Variants in HDAC9 observed in about 807,000 individuals in gnomAD.
HDAC9 encodes the protein histone deacetylase 9, also known as MEF-2 interacting transcription repressor (MITR) protein.
HDAC9 carries 41 observed loss-of-function variants against 139.4 expected under a neutral mutation model. That is an observed-to-expected ratio of 0.29 (90% CI 0.23 to 0.38). The LOEUF is 0.38. Among genes scored for constraint, HDAC9 ranks in the 10% least tolerant of loss-of-function variants. HDAC9 has a pLI of 1.00. For synonymous variants in HDAC9, 517 were observed against 476.2 expected (o/e 1.09, Z -1.12); for missense variants, 1,147 against 1,297.0 (o/e 0.88, Z 1.78).
At chr7:18,661,572 G>A (rs1397242985) in intron 11 of HDAC9, among the ~76,000 whole-genome samples, 1 of 151,926 alleles carries the variant, frequency 6.6e-6, no homozygotes, top group East Asian at 1.9e-4. Flanking sequence ...TCTTAGAGAT[G>A]ACTTGTCTTT....
chr7:18,190,878 T>G (rs1316090702), intron 2 of HDAC9, among the ~76,000 whole-genome samples: 4 of 152,186 alleles, frequency 2.6e-5, no homozygotes, highest in Non-Finnish European at 5.9e-5. Flanking sequence ...CTTTGTAAAC[T>G]CCTACCTTTG....
chr7:18,088,301 C>T (rs1039871107), intron 1 of HDAC9, among the ~76,000 whole-genome samples: 1 of 151,936 alleles, frequency 6.6e-6, no homozygotes, highest in Non-Finnish European at 1.5e-5. Context: ...TTTTTTTCTC[C>T]CCAAATGGTA....
At chr7:18,954,088 T>A (rs1782984275) in intron 23 of HDAC9, 58 bp from the exon 24 acceptor site, 2 of 1,191,474 alleles carry the variant, frequency 1.7e-6, no homozygotes, top group African/African-American at 3.1e-5. Flanking sequence ...TTTGCTTCTG[T>A]GAGACTTACT....
At chr7:18,760,214 T>C (rs553166277) in intron 14 of HDAC9, among the ~76,000 whole-genome samples, 1 of 152,328 alleles carries the variant, frequency 6.6e-6, no homozygotes, top group Admixed American at 6.5e-5. Context: ...AATGCCCTGC[T>C]CAGTCCAATT....
intron 2 of HDAC9, among the ~76,000 whole-genome samples, chr7:18,279,775 AT>A (rs1311081333): frequency 6.6e-6 from 1 of 152,136 alleles, no homozygotes; most frequent in Non-Finnish European, 1.5e-5. Flanking sequence ...ACATTTACTC[AT>A]TTAATAAGGA....
At chr7:18,196,040 T>C (rs2128155442) in intron 2 of HDAC9, among the ~76,000 whole-genome samples, 1 of 152,294 alleles carries the variant, frequency 6.6e-6, no homozygotes, top group South Asian at 2.1e-4. Flanking sequence ...ACCACTGTTT[T>C]AGCATGCATT....
chr7:18,451,387 G>GTATATATA (rs1792820646), intron 1 of HDAC9, among the ~76,000 whole-genome samples: 1 of 138,640 alleles, frequency 7.2e-6, no homozygotes, highest in Non-Finnish European at 1.6e-5. Flanking sequence ...GTGTGTGTGT[G>GTATATATA]TGTGTGTGTG....
chr7:18,967,508 A>ACCC (rs1335326619), intron 24 of HDAC9, among the ~76,000 whole-genome samples: 3,099 of 121,102 alleles, frequency 0.026, 70 homozygotes, highest in Middle Eastern at 0.035. Flanking sequence ...CCCCCCCCCA[A>ACCC]AAAAAAAAAA....
chr7:18,739,406 C>A (rs1787232112), intron 13 of HDAC9, among the ~76,000 whole-genome samples: 2 of 152,194 alleles, frequency 1.3e-5, no homozygotes, highest in African/African-American at 4.8e-5. Flanking sequence ...GTTTTATCTA[C>A]CTTTGGTCTT....
At chr7:18,237,761 A>T (rs1394192914) in intron 2 of HDAC9, among the ~76,000 whole-genome samples, 2 of 152,204 alleles carry the variant, frequency 1.3e-5, no homozygotes, top group East Asian at 3.8e-4. Flanking sequence ...AAGTGTCAGG[A>T]ACTCAGATGA....
chr7:18,945,552 T>C (rs1166828667), intron 23 of HDAC9, among the ~76,000 whole-genome samples: 1 of 152,230 alleles, frequency 6.6e-6, no homozygotes, highest in Non-Finnish European at 1.5e-5. Context: ...TTAAGTATTC[T>C]TTCTGGATTC....
At chr7:18,648,281 T>C (rs1003977555) in intron 10 of HDAC9, among the ~76,000 whole-genome samples, 185 bp from the exon 11 acceptor site, 3 of 152,156 alleles carry the variant, frequency 2.0e-5, no homozygotes, top group African/African-American at 7.2e-5. Flanking sequence ...CATTTCTCTC[T>C]TCCCACACCT....
chr7:18,557,764 A>C (rs1231769066), intron 2 of HDAC9, among the ~76,000 whole-genome samples: 2 of 150,060 alleles, frequency 1.3e-5, no homozygotes, highest in Non-Finnish European at 3.0e-5. Flanking sequence ...TATAATTTAA[A>C]ACAAAAATGA....
chr7:18,946,038 A>AAAT (rs1782374115), intron 23 of HDAC9, among the ~76,000 whole-genome samples: 4 of 25,406 alleles, frequency 1.6e-4, no homozygotes, highest in Non-Finnish European at 3.4e-4. Context: ...CTCCGTCTCA[A>AAAT]AAAAAAAAAA....
intron 12 of HDAC9, among the ~76,000 whole-genome samples, chr7:18,698,922 G>A (rs548512618): frequency 6.6e-6 from 1 of 152,236 alleles, no homozygotes; most frequent in South Asian, 2.1e-4. Context: ...AGCATGAAAG[G>A]TTAGCAACAA....
At chr7:18,733,050 T>C (rs1034836407) in intron 13 of HDAC9, among the ~76,000 whole-genome samples, 1 of 146,404 alleles carries the variant, frequency 6.8e-6, no homozygotes, top group Non-Finnish European at 1.5e-5. Flanking sequence ...TATACATATA[T>C]ACATGTGTAT....
At chr7:18,861,657 G>T (rs1296023690) in intron 21 of HDAC9, among the ~76,000 whole-genome samples, 1 of 152,114 alleles carries the variant, frequency 6.6e-6, no homozygotes, top group African/African-American at 2.4e-5. Flanking sequence ...GAATTAGTCA[G>T]AAATGTTACT....
intron 23 of HDAC9, among the ~76,000 whole-genome samples, chr7:18,941,606 C>A (rs546270732): frequency 1.3e-5 from 2 of 152,078 alleles, no homozygotes; most frequent in African/African-American, 4.8e-5. Flanking sequence ...GGAAAGCTTA[C>A]AAGCTCCTAA....
At chr7:18,189,509 G>C (rs778912606) in intron 2 of HDAC9, among the ~76,000 whole-genome samples, 1 of 152,114 alleles carries the variant, frequency 6.6e-6, no homozygotes, top group Non-Finnish European at 1.5e-5. Flanking sequence ...AAAGAATCAC[G>C]TGGGGCTTAT....
Sources: allele counts gnomAD v4.1 joint callset (sites outside exome capture counted in the v4.1 genomes callset), GRCh38; gene constraint gnomAD v4.1.1; transcripts MANE v1.5; gene names NCBI Gene and HGNC (gene_info 2026-07-23, HGNC 2026-07-21).